UNC79: variants seen among roughly 807,000 people sequenced by gnomAD.
UNC79 encodes the protein protein unc-79 homolog.
In UNC79, 37 loss-of-function variants were observed where a neutral mutation model predicts 283.1. The ratio of observed to expected loss-of-function variants is 0.13; its 90% CI spans 0.10 to 0.17. The LOEUF (loss-of-function observed/expected upper bound fraction) is 0.17. Among genes scored for constraint, UNC79 ranks in the 10% least tolerant of loss-of-function variants. The probability of loss-of-function intolerance (pLI) is 1.00; values close to 1 mark genes in which losing one functional copy is unlikely to be tolerated. For synonymous variants in UNC79, 1,107 were observed against 1,200.2 expected, an observed-to-expected ratio of 0.92 and a Z score of 1.61; for missense variants, 2,272 against 3,211.1, an observed-to-expected ratio of 0.71 and a Z score of 7.07.
chr14:93,509,048 C>A (rs1371869617), intron 7 of UNC79, among the ~76,000 whole-genome samples: 11 of 152,118 alleles, frequency 7.2e-5, no homozygotes, highest in Admixed American at 6.5e-4. Context: ...TCTGGGGAGA[C>A]CTCAGGAAAC....
rs374182706 is a variant in UNC79 at position 93,496,478 on chromosome 14, G to A, written c.768+12G>A. Reference sequence around the variant, plus strand: ...AAGAAGTCTGGAAAGTAAGTTTTGGGTCAAATTTAACCCATAGTCACAAAC... The same window carrying A: ...AAGAAGTCTGGAAAGTAAGTTTTGGATCAAATTTAACCCATAGTCACAAAC... On this transcript the variant is annotated intron_variant, in intron 6 of 48. Transcript: ENST00000555664. 6.5e-7 allele frequency: 1 copy of A among 1,532,416 alleles called. No homozygotes were observed. Among genetic ancestry groups the A allele is most frequent in the African/African-American group, 1.4e-5 (1 of 70,504 alleles). 94.9% of individuals were successfully genotyped at this position (1,532,416 alleles called of 1,614,324 possible). A position where few individuals can be genotyped will look rare whatever the true frequency, so the allele number is the denominator to read the frequency against.
intron 1 of UNC79, among the ~76,000 whole-genome samples, chr14:93,456,383 G>GA (rs899701171): frequency 1.1e-4 from 17 of 150,584 alleles, no homozygotes; most frequent in Non-Finnish European, 1.9e-4. Context: ...ACTTAAGCAA[G>GA]AAAAAAAAAG....
chr14:93,694,764 CA>C (rs1333286541), intron 47 of UNC79, among the ~76,000 whole-genome samples: 4 of 149,934 alleles, frequency 2.7e-5, no homozygotes, highest in East Asian at 2.0e-4. Flanking sequence ...AAAAAACAAA[CA>C]AAAAAAAAGG....
intron 24 of UNC79, among the ~76,000 whole-genome samples, chr14:93,598,138 C>T (rs2065211491): frequency 6.6e-6 from 1 of 152,002 alleles, no homozygotes; most frequent in Non-Finnish European, 1.5e-5. Flanking sequence ...AGGTATACAT[C>T]ACCACACCCA....
intron 1 of UNC79, among the ~76,000 whole-genome samples, chr14:93,437,978 A>G (rs1159004750): frequency 1.3e-5 from 2 of 152,212 alleles, no homozygotes; most frequent in Admixed American, 1.3e-4. Flanking sequence ...GGGGGATACA[A>G]TTCAAACCAC....
At chr14:93,672,166 A>G (rs1321629049) in intron 40 of UNC79, among the ~76,000 whole-genome samples, 1 of 152,222 alleles carries the variant, frequency 6.6e-6, no homozygotes, top group Non-Finnish European at 1.5e-5. Flanking sequence ...CTATGATTCA[A>G]CAATGTGACT....
At chr14:93,380,521 C>T (rs1336584341) in intron 1 of UNC79, among the ~76,000 whole-genome samples, 1 of 152,126 alleles carries the variant, frequency 6.6e-6, no homozygotes, top group Non-Finnish European at 1.5e-5. Flanking sequence ...CTCCTTGCTT[C>T]CTTCTTTTAT....
At chr14:93,377,281 A>C (rs927691055) in intron 1 of UNC79, among the ~76,000 whole-genome samples, 1 of 151,944 alleles carries the variant, frequency 6.6e-6, no homozygotes, top group Admixed American at 6.6e-5. Flanking sequence ...TTTTTAGTAG[A>C]GATGGGGTTT....
intron 1 of UNC79, among the ~76,000 whole-genome samples, chr14:93,421,527 T>G (rs1439689487): frequency 1.3e-5 from 2 of 151,546 alleles, no homozygotes; most frequent in Non-Finnish European, 1.5e-5. Context: ...GCCAGACATT[T>G]AAAGAATAGT....
chr14:93,464,931 G>A (rs890752645), intron 1 of UNC79, among the ~76,000 whole-genome samples: 6 of 152,312 alleles, frequency 3.9e-5, no homozygotes, highest in Middle Eastern at 6.8e-3. Context: ...ATTACTATTT[G>A]TCATGGACCT....
intron 1 of UNC79, among the ~76,000 whole-genome samples, chr14:93,409,549 C>G (rs1159606858): frequency 6.6e-6 from 1 of 152,004 alleles, no homozygotes; most frequent in Non-Finnish European, 1.5e-5. Context: ...AATAAATTAG[C>G]CAGGTCTGAT....
chr14:93,642,031 T>C (rs1466080071), intron 33 of UNC79, among the ~76,000 whole-genome samples: 1 of 126,556 alleles, frequency 7.9e-6, no homozygotes, highest in Non-Finnish European at 1.8e-5. Context: ...CATGTGGAAC[T>C]GAGAGTCAAT....
chr14:93,630,923 G>A lies in UNC79; in HGVS notation c.5716+15G>A. 1 of 1,605,282 alleles carries A rather than the reference G, an allele frequency of 6.2e-7. No homozygotes were observed. The highest frequency in any genetic ancestry group is 8.5e-7 in the Non-Finnish European group (1 of 1,172,138). On this transcript the variant is annotated intron_variant, in intron 31 of 48. Coordinates refer to ENST00000555664, the Ensembl canonical transcript of UNC79. ...CTCAATATCAAGTAAGATTTCCTCT[G>A]CTGATTATTTCATCTATGCATTTAT...
chr14:93,343,270 G>A (rs1236674786), intron 1 of UNC79, among the ~76,000 whole-genome samples: 2 of 152,190 alleles, frequency 1.3e-5, no homozygotes, highest in African/African-American at 4.8e-5. Context: ...TGCATGGCTG[G>A]GGAGGCCTCA....
intron 1 of UNC79, among the ~76,000 whole-genome samples, chr14:93,377,088 AGTT>A (rs2054574291): frequency 7.5e-6 from 1 of 133,770 alleles, no homozygotes; most frequent in African/African-American, 2.9e-5. Context: ...CAATGAGAAT[AGTT>A]GTTTCTTTTT....
chr14:93,406,706 T>G (rs2055233508), intron 1 of UNC79, among the ~76,000 whole-genome samples: 1 of 152,232 alleles, frequency 6.6e-6, no homozygotes, highest in Non-Finnish European at 1.5e-5. Context: ...ACTTTTGGGT[T>G]CTGCTCTAAC....
At chr14:93,595,932 A>AATAT (rs199543944) in intron 23 of UNC79, among the ~76,000 whole-genome samples, 1 of 152,022 alleles carries the variant, frequency 6.6e-6, no homozygotes, top group East Asian at 1.9e-4. Context: ...ATGTGTGCTT[A>AATAT]ATATATATAT....
At chr14:93,539,091 C>G (rs1157829950) in intron 12 of UNC79, among the ~76,000 whole-genome samples, 1 of 150,426 alleles carries the variant, frequency 6.6e-6, no homozygotes, top group Non-Finnish European at 1.5e-5. Flanking sequence ...TTAGTAGAGA[C>G]GGGGTTTCAC....
chr14:93,530,543 T>C (rs112469725), intron 10 of UNC79, among the ~76,000 whole-genome samples: 77 of 151,808 alleles, frequency 5.1e-4, no homozygotes, highest in African/African-American at 1.7e-3. Flanking sequence ...GCCCAGGAGG[T>C]TGAGGCTGCA....
Sources: allele counts gnomAD v4.1 joint callset (sites outside exome capture counted in the v4.1 genomes callset), GRCh38; gene constraint gnomAD v4.1.1; transcripts MANE v1.5; gene names NCBI Gene and HGNC (gene_info 2026-07-23, HGNC 2026-07-21).